CUX1: variants seen among roughly 807,000 people sequenced by gnomAD.
CUX1 encodes the protein cut like homeobox 1.
Under a neutral mutation model 158.8 loss-of-function variants are expected in CUX1, and 31 were observed. The observed-to-expected ratio is 0.20, with a 90% CI of 0.15 to 0.26. The LOEUF (loss-of-function observed/expected upper bound fraction) is 0.26. CUX1 is among the 10% of genes least tolerant of loss of function. The probability of loss-of-function intolerance (pLI) is 1.00; values close to 1 mark genes in which losing one functional copy is unlikely to be tolerated. For synonymous variants in CUX1, 879 were observed against 862.1 expected (o/e 1.02, Z -0.34); for missense variants, 1,589 against 2,014.6 (o/e 0.79, Z 4.04).
chr7:102,054,254 C>T (rs1823869473), intron 3 of CUX1, among the ~76,000 whole-genome samples: 3 of 152,190 alleles, frequency 2.0e-5, no homozygotes, highest in Admixed American at 1.3e-4. Flanking sequence ...TAAAGGTTTA[C>T]ACCTGTGTTT....
chr7:101,895,891 GTTT>G (rs66481506), intron 1 of CUX1, among the ~76,000 whole-genome samples: 1 of 112,716 alleles, frequency 8.9e-6, no homozygotes, highest in Non-Finnish European at 1.7e-5. Context: ...CACCTGTAAA[GTTT>G]TTTTTTTGTT....
chr7:102,159,019 T>A (rs1317081155), intron 9 of CUX1, among the ~76,000 whole-genome samples: 1 of 148,726 alleles, frequency 6.7e-6, no homozygotes, highest in Non-Finnish European at 1.5e-5. Context: ...AGTTCCTTAG[T>A]GTAGACATCT....
chr7:102,261,924 C>A (rs1563512772), downstream of CUX1, among the ~76,000 whole-genome samples: 1 of 152,024 alleles, frequency 6.6e-6, no homozygotes, highest in Non-Finnish European at 1.5e-5. Flanking sequence ...CAAGACCCAC[C>A]CTGGGACACA....
rs74504245 is a variant in CUX1, at chr7:101,887,657, G to T, written c.31-28458G>T. On this transcript the variant is annotated intron_variant, in intron 1 of 23. Transcript: ENST00000292535. ...AGGATAAGGGCTCCCCATGACACTG[G>T]CATCAGCATTGGGAGCATTTCCGTG... Among the ~76,000 whole-genome samples the T allele has an allele frequency of 7.8e-3, 1,188 of 152,030 alleles. 20 individuals carry two copies. The highest frequency in any genetic ancestry group is 0.027 in the African/African-American group (1,139 of 41,448).
chr7:101,877,603 C>T (rs1425153840), intron 1 of CUX1, among the ~76,000 whole-genome samples: 2 of 152,198 alleles, frequency 1.3e-5, no homozygotes, highest in African/African-American at 4.8e-5. Context: ...AGGAGAATCG[C>T]TTGAGCCCAG....
rs978454014 is a variant in CUX1, at chr7:102,201,544, G to A, written c.2247G>A (p.Ser749=). 2.3e-5 allele frequency: 37 copies of A among 1,613,888 alleles called. No individual in the cohort carries two copies. Among genetic ancestry groups the A allele is most frequent in the African/African-American group, 5.3e-5 (4 of 74,892 alleles). ...TCACCCCCAAGCTTCTGTCCACCTC[G>A]CCCATGCCCACCGTGTCCAGCTACC... ...TILTPKLLST[S]PMPTVSSYPP... is the part of the protein sequence containing the mutation. Residue 749 remains serine (S), a synonymous_variant, in exon 18 of 24, where the codon TCG becomes TCA. Coordinates refer to ENST00000292535, the MANE Select transcript of CUX1 (RefSeq NM_181552.4). The surrounding 1 kb of genome is among the most constrained non-coding windows in gnomAD (Gnocchi z 5.0).
At chr7:102,216,604 A>ACACACACT (rs1554524722) in intron 20 of CUX1, among the ~76,000 whole-genome samples, 1 of 64,852 alleles carries the variant, frequency 1.5e-5, no homozygotes, top group Non-Finnish European at 2.8e-5. Context: ...ACTCCCACAC[A>ACACACACT]CACACACACA....
chr7:101,870,144 G>GTTTTTTTGT (rs1798345044), intron 1 of CUX1, among the ~76,000 whole-genome samples: 2 of 111,208 alleles, frequency 1.8e-5, no homozygotes, highest in Non-Finnish European at 1.8e-5. Flanking sequence ...GATGTTTAGT[G>GTTTTTTTGT]TTTTTTTTGT....
intron 21 of CUX1, among the ~76,000 whole-genome samples, chr7:102,233,486 G>T (rs1421990530): frequency 6.6e-6 from 1 of 152,250 alleles, no homozygotes; most frequent in East Asian, 1.9e-4. Context: ...CAGGCTGAAG[G>T]CTTAAGAGAA....
At chr7:101,936,572 G>A (rs890062857) in intron 2 of CUX1, among the ~76,000 whole-genome samples, 1 of 152,152 alleles carries the variant, frequency 6.6e-6, no homozygotes, top group African/African-American at 2.4e-5. Flanking sequence ...GTGAGCGGGG[G>A]CTAAGTGCAG....
intron 2 of CUX1, among the ~76,000 whole-genome samples, chr7:101,964,037 T>C (rs530851659): frequency 6.6e-6 from 1 of 152,240 alleles, no homozygotes; most frequent in East Asian, 1.9e-4. Context: ...TCGGGTGTTC[T>C]TGTCAAAGGC....
At chr7:102,014,465 A>G (rs1818372645) in intron 2 of CUX1, among the ~76,000 whole-genome samples, 1 of 152,204 alleles carries the variant, frequency 6.6e-6, no homozygotes, top group Non-Finnish European at 1.5e-5. Flanking sequence ...AAGGGCTGGG[A>G]CCTGCTGGAT....
intron 2 of CUX1, among the ~76,000 whole-genome samples, chr7:101,957,682 C>T (rs891560814): frequency 6.6e-6 from 1 of 151,990 alleles, no homozygotes; most frequent in African/African-American, 2.4e-5. Flanking sequence ...GCTGAGATCA[C>T]GCCACTGCAC....
intron 1 of CUX1, among the ~76,000 whole-genome samples, chr7:101,881,221 T>G (rs145691889): frequency 1.8e-3 from 281 of 152,366 alleles, no homozygotes; most frequent in African/African-American, 6.4e-3. Context: ...AAAAAATGCC[T>G]GAATGATCTT....
At chr7:101,974,128 T>A (rs1000823779) in intron 2 of CUX1, among the ~76,000 whole-genome samples, 2 of 150,412 alleles carry the variant, frequency 1.3e-5, no homozygotes, top group East Asian at 3.9e-4. Flanking sequence ...TGGAGTGCGG[T>A]GGCACAATCT....
chr7:102,030,498 C>T (rs1257742583), intron 3 of CUX1, among the ~76,000 whole-genome samples: 2 of 151,864 alleles, frequency 1.3e-5, no homozygotes, highest in Non-Finnish European at 2.9e-5. Flanking sequence ...TCCTACATTA[C>T]CACAATAACC....
At chr7:102,002,414 A>G (rs969959596) in intron 2 of CUX1, among the ~76,000 whole-genome samples, 4 of 152,308 alleles carry the variant, frequency 2.6e-5, no homozygotes, top group Non-Finnish European at 4.4e-5. Flanking sequence ...TCTTGCGTGG[A>G]TGGCTGTGGG....
intron 20 of CUX1, among the ~76,000 whole-genome samples, chr7:102,281,466 C>T (rs1384923990): frequency 6.6e-6 from 1 of 152,100 alleles, no homozygotes; most frequent in Non-Finnish European, 1.5e-5. Flanking sequence ...AGTTCGAGAC[C>T]AGCCTGGCCA....
At chr7:101,868,623 C>A (rs1463196236) in intron 1 of CUX1, among the ~76,000 whole-genome samples, 3 of 152,222 alleles carry the variant, frequency 2.0e-5, no homozygotes, top group Admixed American at 2.0e-4. Context: ...TGGAGCCCTT[C>A]ACTTGGCAAT....
Sources: gnomAD v4.1 joint callset for allele counts (sites outside exome capture counted in the v4.1 genomes callset) on GRCh38, gnomAD v4.1.1 for gene constraint, Gnocchi (gnomAD v3.1) non-coding constraint, MANE v1.5 for transcripts, NCBI Gene and HGNC (gene_info 2026-07-23, HGNC 2026-07-21) for gene names.